The following FAM222B variants were observed in gnomAD, a reference collection of about 807,000 sequenced individuals.
The protein encoded by FAM222B is family with sequence similarity 222 member B.
In FAM222B, 12 loss-of-function variants were observed where a neutral mutation model predicts 38.0. That is an observed-to-expected ratio of 0.32 (90% confidence interval 0.20 to 0.51). The LOEUF (loss-of-function observed/expected upper bound fraction) is 0.51. Among genes scored for constraint, FAM222B ranks in the 20% least tolerant of loss-of-function variants. FAM222B has a pLI of 0.97. For missense variants in FAM222B, 716 were observed against 754.2 expected, an observed-to-expected ratio of 0.95 and a Z score of 0.59; for synonymous variants, 329 against 317.2, an observed-to-expected ratio of 1.04 and a Z score of -0.40.
At chr17:28,846,534 T>C (rs564123998), upstream of FAM222B, among the ~76,000 whole-genome samples, 200 of 152,014 alleles carry the variant, frequency 1.3e-3, 1 homozygote, top group African/African-American at 4.4e-3. Context: ...CCGGGTGTGG[T>C]GGCCCGCATC....
intron 1 of FAM222B, among the ~76,000 whole-genome samples, chr17:28,785,901 G>A (rs747620749): frequency 3.3e-5 from 5 of 152,106 alleles, no homozygotes; most frequent in Non-Finnish European, 7.4e-5. Context: ...GTAGAGACGG[G>A]GTTTCACCAT....
chr17:28,773,392 T>C (rs2035731522), intron 1 of FAM222B, among the ~76,000 whole-genome samples: 4 of 142,970 alleles, frequency 2.8e-5, no homozygotes, highest in Admixed American at 7.1e-5. Context: ...TGAGACAGAA[T>C]TGCTTGAACC....
intron 1 of FAM222B, among the ~76,000 whole-genome samples, chr17:28,818,776 T>C (rs2038117457): frequency 6.6e-6 from 1 of 152,174 alleles, no homozygotes; most frequent in African/African-American, 2.4e-5. Context: ...GTTGTTAATT[T>C]TTCATACTGA....
intron 1 of FAM222B, among the ~76,000 whole-genome samples, chr17:28,770,823 G>A (rs1043051121): frequency 6.6e-6 from 1 of 152,004 alleles, no homozygotes; most frequent in Non-Finnish European, 1.5e-5. Flanking sequence ...GCCCGCCTCA[G>A]CCTCCCAAAG....
At chr17:28,848,606 A>G (rs575032199) in intron 1 of FAM222B, among the ~76,000 whole-genome samples, 63 of 151,858 alleles carry the variant, frequency 4.1e-4, no homozygotes, top group Non-Finnish European at 8.4e-4. Flanking sequence ...TAAAAATAAA[A>G]AAATTAGCCG....
intron 1 of FAM222B, among the ~76,000 whole-genome samples, chr17:28,803,843 G>A (rs2037351893): frequency 6.6e-6 from 1 of 151,916 alleles, no homozygotes; most frequent in African/African-American, 2.4e-5. Flanking sequence ...TTAGCTGGGT[G>A]TGGTGGCAGG....
chr17:28,772,239 A>G (rs1264713544), intron 1 of FAM222B, among the ~76,000 whole-genome samples: 4 of 152,090 alleles, frequency 2.6e-5, no homozygotes, highest in Non-Finnish European at 4.4e-5. Flanking sequence ...GAAAGAACCA[A>G]TCTTTGTCTT....
chr17:28,775,510 A>C (rs1033652213), intron 1 of FAM222B, among the ~76,000 whole-genome samples: 57 of 151,386 alleles, frequency 3.8e-4, no homozygotes, highest in African/African-American at 1.3e-3. Flanking sequence ...CCTAGCCCCC[A>C]AAAACCCAGG....
At position 28,759,331 on chromosome 17, in the gene FAM222B, G is replaced by A; in HGVS notation, c.628C>T (p.His210Tyr). The A allele has an allele frequency of 3.1e-6, 5 of 1,610,758 alleles. No homozygotes were observed. Among genetic ancestry groups the A allele is most frequent in the Non-Finnish European group, 4.2e-6 (5 of 1,178,744 alleles). ...QPMAQTQGLV[H>Y]PQALAHQGLQ... ...CCCTGGTGAGCCAGGGCCTGAGGGT[G>A]GACCAAGCCCTGGGTTTGGGCCATG... The change falls in exon 3 of 3, where the codon CAC becomes TAC. Residue 210 changes from histidine to tyrosine, a missense_variant. Physicochemically the swap from His to Tyr is moderately conservative, Grantham distance 83. Transcript: ENST00000581407. This position sits in a 1 kb window ranked among gnomAD's most constrained non-coding sequence, Gnocchi z 4.8.
intron 1 of FAM222B, among the ~76,000 whole-genome samples, chr17:28,777,354 C>T (rs1434033850): frequency 6.6e-6 from 1 of 152,168 alleles, no homozygotes; most frequent in Non-Finnish European, 1.5e-5. Context: ...CACCCTGATT[C>T]CCCCAAAGGT....
Position 28,759,440 on chromosome 17 carries a change from C to T in FAM222B, c.519G>A (p.Gln173=). The T allele has an allele frequency of 6.4e-7, 1 of 1,574,088 alleles. No individual in the cohort carries two copies. Among genetic ancestry groups the T allele is most frequent in the Non-Finnish European group, 8.6e-7 (1 of 1,162,176 alleles). ...TLAHAPPQTL[Q]HPQGIPPPQA... ...GGGGTGGCGGGATACCCTGAGGGTG[C>T]TGCAGCGTCTGGGGAGGGGCATGGG... Residue 173 remains glutamine, a synonymous_variant, in exon 3 of 3, where the codon CAG becomes CAA. Coordinates refer to ENST00000581407, the MANE Select transcript of FAM222B (RefSeq NM_001077498.3). This position sits in a 1 kb window ranked among gnomAD's most constrained non-coding sequence, Gnocchi z 4.8.
chr17:28,831,083 C>T (rs1449881623), intron 1 of FAM222B, among the ~76,000 whole-genome samples: 1 of 150,704 alleles, frequency 6.6e-6, no homozygotes, highest in African/African-American at 2.4e-5. Context: ...CAACCTCTGC[C>T]TCCTGGGTTC....
intron 1 of FAM222B, among the ~76,000 whole-genome samples, chr17:28,779,989 G>C (rs78750337): frequency 3.0e-5 from 4 of 134,802 alleles, no homozygotes; most frequent in Non-Finnish European, 4.8e-5. Flanking sequence ...TTTTTTTTTT[G>C]AGATGAAGTC....
intron 1 of FAM222B, among the ~76,000 whole-genome samples, chr17:28,789,796 A>C (rs1235486220): frequency 6.6e-6 from 1 of 152,208 alleles, no homozygotes; most frequent in Non-Finnish European, 1.5e-5. Context: ...GCAGGAAAGG[A>C]AGTGCTCAAA....
intron 1 of FAM222B, among the ~76,000 whole-genome samples, chr17:28,839,162 G>A (rs994392096): frequency 1.3e-4 from 19 of 151,962 alleles, no homozygotes; most frequent in African/African-American, 3.6e-4. Context: ...AGCCGAGATC[G>A]CGCCACTGCA....
chr17:28,773,034 T>G (rs1333470615), intron 1 of FAM222B, among the ~76,000 whole-genome samples: 2 of 151,546 alleles, frequency 1.3e-5, no homozygotes, highest in Non-Finnish European at 2.9e-5. Context: ...CAGGAAGGAG[T>G]GAACCAGTAA....
chr17:28,818,303 C>T (rs2010405), intron 1 of FAM222B, among the ~76,000 whole-genome samples: 28,687 of 151,822 alleles, frequency 0.19, 2,846 homozygotes, highest in South Asian at 0.3. Context: ...CCGAGGTGGG[C>T]GGATCACGAG....
At chr17:28,797,037 C>G (rs77653547) in intron 1 of FAM222B, among the ~76,000 whole-genome samples, 4,515 of 128,230 alleles carry the variant, frequency 0.035, 114 homozygotes, top group Middle Eastern at 0.18. Context: ...GGATCTCGCT[C>G]TGTCACCCAG....
At chr17:28,802,851 A>G (rs1368691659) in intron 1 of FAM222B, 1 of 152,566 alleles carries the variant, frequency 6.6e-6, no homozygotes, top group African/African-American at 2.4e-5. Context: ...AAAATTATAC[A>G]ACTGCAAAAA....
Sources: allele counts gnomAD v4.1 joint callset (sites outside exome capture counted in the v4.1 genomes callset), GRCh38; gene constraint gnomAD v4.1.1; non-coding constraint Gnocchi (gnomAD v3.1); transcripts MANE v1.5; gene names NCBI Gene and HGNC (gene_info 2026-07-23, HGNC 2026-07-21).